PPARG: variants seen among roughly 807,000 people sequenced by gnomAD.
The protein encoded by PPARG is peroxisome proliferator-activated receptor gamma.
A neutral mutation model predicts 39.2 loss-of-function variants in PPARG; 17 were observed. The ratio of observed to expected loss-of-function variants is 0.43; its 90% confidence interval spans 0.30 to 0.65. The LOEUF (loss-of-function observed/expected upper bound fraction) is 0.65, where lower values mean the gene tolerates loss of function less well. Ranked by LOEUF, PPARG falls within the 30% of genes least tolerant of loss-of-function variation. PPARG has a pLI of 0.13. For synonymous variants in PPARG, 223 were observed against 215.7 expected (o/e 1.03, Z -0.30); for missense variants, 406 against 585.9 (o/e 0.69, Z 3.17).
intron 2 of PPARG, among the ~76,000 whole-genome samples, chr3:12,318,798 T>A (rs2047459376): frequency 6.6e-6 from 1 of 152,192 alleles, no homozygotes; most frequent in Non-Finnish European, 1.5e-5. Context: ...TGCTCAATAA[T>A]TGGAAGCTAG....
chr3:12,387,464 A>T (rs2049918104), intron 4 of PPARG, among the ~76,000 whole-genome samples: 1 of 152,142 alleles, frequency 6.6e-6, no homozygotes, highest in Non-Finnish European at 1.5e-5. Flanking sequence ...CATTTCTCTG[A>T]TGGCCAGTGA....
chr3:12,314,278 A>AAATTAATT (rs17425935), intron 2 of PPARG, among the ~76,000 whole-genome samples: 2 of 151,474 alleles, frequency 1.3e-5, no homozygotes, highest in Admixed American at 1.3e-4. Context: ...CCCTCTCAAA[A>AAATTAATT]AATTAATTAA....
chr3:12,425,714 G>A (rs959469671), intron 7 of PPARG, among the ~76,000 whole-genome samples: 10 of 152,290 alleles, frequency 6.6e-5, no homozygotes, highest in Admixed American at 5.2e-4. Flanking sequence ...CTAGGCTTAA[G>A]GGGGGACTGC....
At chr3:12,381,590 C>A in intron 4 of PPARG, 99 bp downstream of exon 4, 1 of 1,288,020 alleles carries the variant, frequency 7.8e-7, no homozygotes, top group Non-Finnish European at 1.1e-6. Flanking sequence ...AATTTTTTTT[C>A]TTCATGGAAG....
intron 5 of PPARG, 24 bp from the exon 6 acceptor site, chr3:12,405,858 C>A: frequency 6.2e-7 from 1 of 1,603,748 alleles, no homozygotes; most frequent in Non-Finnish European, 8.5e-7. Flanking sequence ...AATGATTCAT[C>A]CTGTCATTCC....
chr3:12,431,542 A>G (rs1208381368), intron 7 of PPARG, among the ~76,000 whole-genome samples: 5 of 152,224 alleles, frequency 3.3e-5, no homozygotes, highest in African/African-American at 1.2e-4. Context: ...ATTTTTAAAA[A>G]CAGACTTGAT....
chr3:12,368,588 A>T (rs1179956947), intron 2 of PPARG, among the ~76,000 whole-genome samples: 1 of 152,236 alleles, frequency 6.6e-6, no homozygotes, highest in Non-Finnish European at 1.5e-5. Context: ...ACATTGGGCA[A>T]GTCACTTAAC....
chr3:12,309,676 A>G (rs534070593), intron 1 of PPARG, among the ~76,000 whole-genome samples: 13 of 152,356 alleles, frequency 8.5e-5, no homozygotes, highest in African/African-American at 3.1e-4. Flanking sequence ...ATTCTTTGAT[A>G]AGTTTTCAAT....
At chr3:12,304,502 T>G (rs1226282608) in intron 1 of PPARG, among the ~76,000 whole-genome samples, 1 of 152,220 alleles carries the variant, frequency 6.6e-6, no homozygotes, top group Admixed American at 6.5e-5. Flanking sequence ...TGAGGATGAT[T>G]TTAATGCTTA....
chr3:12,342,899 A>G (rs114070864), intron 2 of PPARG, among the ~76,000 whole-genome samples: 1,806 of 152,304 alleles, frequency 0.012, 44 homozygotes, highest in African/African-American at 0.041. Context: ...AGGAAAGAAG[A>G]TATAAAGACT....
Position 12,381,398 on chromosome 3 carries a change from G to A in PPARG, c.297G>A (p.Glu99=). 6.2e-7 allele frequency: 1 copy of A among 1,613,282 alleles called. No individual in the cohort carries two copies. Among genetic ancestry groups the A allele is most frequent in the Non-Finnish European group, 8.5e-7 (1 of 1,179,646 alleles). Residue 99 remains glutamate, a synonymous_variant, in exon 4 of 8, where the codon GAG becomes GAA. Coordinates refer to ENST00000651735, the MANE Select transcript of PPARG (RefSeq NM_138711.6). The part of the protein sequence containing the change: ...KTQLYNKPHE[E]PSNSLMAIEC... ...AGCTCTACAATAAGCCTCATGAAGA[G>A]CCTTCCAACTCCCTCATGGCAATTG...
intron 2 of PPARG, among the ~76,000 whole-genome samples, chr3:12,357,784 A>C (rs2048716194): frequency 6.6e-6 from 1 of 152,186 alleles, no homozygotes; most frequent in Non-Finnish European, 1.5e-5. Flanking sequence ...CTTCTATCAC[A>C]CAATTTAGCC....
chr3:12,340,198 T>C (rs1399683009), intron 2 of PPARG, among the ~76,000 whole-genome samples: 2 of 152,222 alleles, frequency 1.3e-5, no homozygotes, highest in East Asian at 3.8e-4. Flanking sequence ...GAAGGAGTTG[T>C]GCTCTTTGGA....
intron 5 of PPARG, among the ~76,000 whole-genome samples, chr3:12,402,518 A>G (rs1053680098): frequency 6.6e-6 from 1 of 152,218 alleles, no homozygotes; most frequent in African/African-American, 2.4e-5. Context: ...TTACTCATAT[A>G]ATTTATATTC....
intron 2 of PPARG, among the ~76,000 whole-genome samples, chr3:12,333,469 G>A (rs1450847840): frequency 6.6e-6 from 1 of 152,022 alleles, no homozygotes; most frequent in Non-Finnish European, 1.5e-5. Context: ...CTGTGTTTTT[G>A]TTGTTGTCGT....
intron 2 of PPARG, among the ~76,000 whole-genome samples, chr3:12,347,312 C>G (rs1250914356): frequency 6.6e-6 from 1 of 151,996 alleles, no homozygotes; most frequent in Non-Finnish European, 1.5e-5. Context: ...TAGCAAGACC[C>G]CGGTCAAAAA....
intron 2 of PPARG, among the ~76,000 whole-genome samples, chr3:12,326,753 A>G (rs2047706797): frequency 6.6e-6 from 1 of 151,936 alleles, no homozygotes; most frequent in Non-Finnish European, 1.5e-5. Context: ...AGGAGATTTT[A>G]ACAAATGACT....
chr3:12,389,707 T>G (rs1575100940), intron 4 of PPARG, among the ~76,000 whole-genome samples: 1 of 151,836 alleles, frequency 6.6e-6, no homozygotes, highest in Non-Finnish European at 1.5e-5. Context: ...CCTGGCCAAC[T>G]TGGTGAAAAC....
At chr3:12,368,986 T>A (rs1241807460) in intron 2 of PPARG, among the ~76,000 whole-genome samples, 1 of 152,194 alleles carries the variant, frequency 6.6e-6, no homozygotes, top group African/African-American at 2.4e-5. Flanking sequence ...ACTCCCTCTG[T>A]TAGGAGAAAT....
Sources: allele counts gnomAD v4.1 joint callset (sites outside exome capture counted in the v4.1 genomes callset), GRCh38; gene constraint gnomAD v4.1.1; transcripts MANE v1.5; gene names NCBI Gene and HGNC (gene_info 2026-07-23, HGNC 2026-07-21).